Variants in TRIQK observed in about 807,000 individuals in gnomAD.
The protein encoded by TRIQK is triple QxxK/R motif-containing protein.
In TRIQK, 10 loss-of-function variants were observed where a neutral mutation model predicts 10.8. The ratio of observed to expected loss-of-function variants is 0.92; its 90% CI spans 0.57 to 1.57. The LOEUF is 1.57. Among genes scored for constraint, TRIQK ranks in the 40% most tolerant of loss-of-function variants. TRIQK has a pLI of 0.00. For synonymous variants in TRIQK, 33 were observed against 33.7 expected (o/e 0.98, Z 0.07); for missense variants, 107 against 97.7 (o/e 1.09, Z -0.40).
intron 2 of TRIQK, among the ~76,000 whole-genome samples, chr8:92,950,594 T>A (rs916306254): frequency 2.0e-5 from 3 of 152,158 alleles, no homozygotes; most frequent in Non-Finnish European, 4.4e-5. Flanking sequence ...ATCCACTACA[T>A]GCATTGTGCA....
intron 1 of TRIQK, among the ~76,000 whole-genome samples, chr8:92,998,668 A>G (rs1813177945): frequency 6.6e-6 from 1 of 152,044 alleles, no homozygotes; most frequent in Non-Finnish European, 1.5e-5. Flanking sequence ...CTCAAATAAA[A>G]TGTTAATTTC....
intron 1 of TRIQK, among the ~76,000 whole-genome samples, chr8:92,956,595 G>A (rs1196584334): frequency 6.6e-6 from 1 of 151,768 alleles, no homozygotes; most frequent in African/African-American, 2.4e-5. Flanking sequence ...CAACTCTACA[G>A]TCCTTATCTA....
intron 4 of TRIQK, among the ~76,000 whole-genome samples, chr8:92,890,276 C>G (rs1816696863): frequency 6.6e-6 from 1 of 151,644 alleles, no homozygotes; most frequent in Non-Finnish European, 1.5e-5. Context: ...AATAGGCTCT[C>G]CACATAAATT....
rs1478689874 is a variant in TRIQK, at chr8:92,949,704, AAAGG to A, written c.-22+4698_-22+4701del. ...AGAAAGAAAGAAAGAAAGAAAAGAGAAAGGAAGGGAGGGAGGGAGGGAGGAAGGA... is the reference window on the plus strand; with the variant it reads ...AGAAAGAAAGAAAGAAAGAAAAGAGAAAGGGAGGGAGGGAGGGAGGAAGGA... On this transcript the variant is annotated intron_variant, in intron 2 of 4. Coordinates refer to ENST00000521988, the MANE Select transcript of TRIQK (RefSeq NM_001171797.2). Among the ~76,000 whole-genome samples, 39 of 97,354 alleles carry A rather than the reference AAAGG, an allele frequency of 4.0e-4. 1 individual carries two copies. Among genetic ancestry groups the A allele is most frequent in the Non-Finnish European group, 6.7e-4 (34 of 51,068 alleles). The allele number at this position is 97,354 out of a possible 152,430, so 63.9% of individuals were successfully genotyped here.
chr8:92,924,523 C>G (rs1207803701), intron 2 of TRIQK, among the ~76,000 whole-genome samples: 1 of 151,798 alleles, frequency 6.6e-6, no homozygotes. Flanking sequence ...CTTGTGAAAC[C>G]TATATATTGT....
chr8:92,974,608 C>G (rs1021076834), intron 1 of TRIQK: 4 of 152,224 alleles, frequency 2.6e-5, no homozygotes, highest in African/African-American at 9.6e-5. Flanking sequence ...ACATACATCT[C>G]AAAGACTGAA....
At chr8:92,937,108 C>T (rs866642670) in intron 2 of TRIQK, among the ~76,000 whole-genome samples, 1 of 151,860 alleles carries the variant, frequency 6.6e-6, no homozygotes, top group Middle Eastern at 3.4e-3. Flanking sequence ...TAAGTACACT[C>T]ACTGAAAATG....
intron 2 of TRIQK, among the ~76,000 whole-genome samples, chr8:92,947,587 GAAAAAAAAAA>G (rs35808197): frequency 6.8e-4 from 42 of 61,440 alleles, no homozygotes; most frequent in Non-Finnish European, 8.6e-4. Context: ...TCCGCCTCAG[GAAAAAAAAAA>G]AAAAAAAAAA....
intron 2 of TRIQK, chr8:92,929,467 C>T (rs1810601683): frequency 6.6e-6 from 1 of 152,028 alleles, no homozygotes; most frequent in African/African-American, 2.4e-5. Flanking sequence ...CCAAAAAATA[C>T]CCACAAATAT....
intron 1 of TRIQK, among the ~76,000 whole-genome samples, chr8:93,013,948 A>G (rs1462424628): frequency 6.6e-6 from 1 of 152,162 alleles, no homozygotes; most frequent in Non-Finnish European, 1.5e-5. Context: ...TGGCAGTGCT[A>G]TTTGAATACA....
At chr8:92,897,802 T>C (rs531381533) in intron 3 of TRIQK, among the ~76,000 whole-genome samples, 1 of 152,126 alleles carries the variant, frequency 6.6e-6, no homozygotes, top group Non-Finnish European at 1.5e-5. Flanking sequence ...TGTCTGTATA[T>C]GTGCATGCAG....
Position 92,885,037 on chromosome 8 carries a change from A to G in TRIQK, c.*1585T>C, listed in dbSNP as rs1563604270. 4.4e-6 allele frequency: 2 copies of G among 455,714 alleles called. No individual in the cohort carries two copies. Among genetic ancestry groups the G allele is most frequent in the Non-Finnish European group, 8.8e-6 (2 of 226,464 alleles). 28.2% of individuals were successfully genotyped at this position (455,714 alleles called of 1,614,324 possible). ...GATTGGTCCGCTGTGGTGAGTATAT[A>G]AGAACTCTTGGTCTGTCTCTTGAGT... On this transcript the variant is annotated 3_prime_UTR_variant, in exon 5 of 5. Transcript: ENST00000521988.
At chr8:92,954,990 G>A (rs879544639) in intron 1 of TRIQK, among the ~76,000 whole-genome samples, 6 of 151,788 alleles carry the variant, frequency 4.0e-5, no homozygotes, top group South Asian at 2.1e-4. Context: ...TTATTCAGTC[G>A]TAAATGTTTA....
chr8:92,923,118 T>G (rs1304338971), intron 2 of TRIQK, among the ~76,000 whole-genome samples: 1 of 151,828 alleles, frequency 6.6e-6, no homozygotes, highest in African/African-American at 2.4e-5. Flanking sequence ...TACCTATTCA[T>G]CTGTATGATG....
chr8:92,897,324 G>A (rs1808662478), intron 3 of TRIQK, among the ~76,000 whole-genome samples: 2 of 152,204 alleles, frequency 1.3e-5, no homozygotes, highest in Admixed American at 6.5e-5. Flanking sequence ...TGCATTGTAA[G>A]AAGGACATGA....
intron 3 of TRIQK, among the ~76,000 whole-genome samples, chr8:92,916,593 TTATAA>T (rs1809861999): frequency 6.6e-6 from 1 of 152,120 alleles, no homozygotes; most frequent in Non-Finnish European, 1.5e-5. Context: ...GAATTAAAAG[TTATAA>T]TATGTATACA....
At chr8:92,905,053 C>T (rs1276315294) in intron 3 of TRIQK, among the ~76,000 whole-genome samples, 1 of 152,280 alleles carries the variant, frequency 6.6e-6, no homozygotes, top group South Asian at 2.1e-4. Context: ...ACACAACACT[C>T]TTCTACTAGG....
chr8:93,012,916 G>A (rs1813350168), intron 1 of TRIQK, among the ~76,000 whole-genome samples: 1 of 152,172 alleles, frequency 6.6e-6, no homozygotes, highest in African/African-American at 2.4e-5. Context: ...AACAAGGGCT[G>A]GGGCTCAGTG....
chr8:92,953,604 G>A (rs1000133408), intron 2 of TRIQK: 29 of 151,924 alleles, frequency 1.9e-4, no homozygotes, highest in African/African-American at 6.5e-4. Flanking sequence ...AGAAAGAATA[G>A]CAAGTGCAAA....
Sources: gnomAD v4.1 joint callset for allele counts (sites outside exome capture counted in the v4.1 genomes callset) on GRCh38, gnomAD v4.1.1 for gene constraint, MANE v1.5 for transcripts, NCBI Gene and HGNC (gene_info 2026-07-23, HGNC 2026-07-21) for gene names.